The following DNER variants were observed in gnomAD, a reference collection of about 807,000 sequenced individuals.
DNER encodes delta/notch like EGF repeat containing, also known as delta and Notch-like epidermal growth factor-related receptor.
A neutral mutation model predicts 78.2 loss-of-function variants in DNER; 33 were observed. That is an observed-to-expected ratio of 0.42 (90% CI 0.32 to 0.56). DNER has a LOEUF of 0.56. Among genes scored for constraint, DNER ranks in the 20% least tolerant of loss-of-function variants. The pLI, the probability that DNER is intolerant of heterozygous loss-of-function variation, is 0.11. For synonymous variants in DNER, 417 were observed against 384.8 expected (o/e 1.08, Z -0.98); for missense variants, 918 against 975.3 (o/e 0.94, Z 0.78).
At chr2:229,431,804 A>C (rs1396377811) in intron 8 of DNER, among the ~76,000 whole-genome samples, 1 of 152,054 alleles carries the variant, frequency 6.6e-6, no homozygotes, top group Non-Finnish European at 1.5e-5. Flanking sequence ...AAAAAAAAGA[A>C]AAAAAAGATG....
chr2:229,566,544 C>G (rs1301301101), intron 4 of DNER, among the ~76,000 whole-genome samples: 1 of 152,152 alleles, frequency 6.6e-6, no homozygotes, highest in Non-Finnish European at 1.5e-5. Flanking sequence ...TGGGTTATTT[C>G]TAGTTCATAT....
chr2:229,585,041 G>C (rs1296892812), intron 4 of DNER, among the ~76,000 whole-genome samples: 1 of 152,134 alleles, frequency 6.6e-6, no homozygotes, highest in Non-Finnish European at 1.5e-5. Context: ...TTATGGAGGA[G>C]AGGGGCCCCA....
At chr2:229,562,161 A>G (rs1696973189) in intron 4 of DNER, among the ~76,000 whole-genome samples, 1 of 152,210 alleles carries the variant, frequency 6.6e-6, no homozygotes, top group Admixed American at 6.5e-5. Flanking sequence ...CTGTTCCCTA[A>G]ACAATACAGG....
intron 6 of DNER, among the ~76,000 whole-genome samples, chr2:229,511,126 T>C (rs1182090127): frequency 6.6e-6 from 1 of 152,170 alleles, no homozygotes; most frequent in African/African-American, 2.4e-5. Context: ...CTGACTGTCT[T>C]GTTTCTTACA....
Position 229,714,504 on chromosome 2 carries a change from AGCGACGGTGGCGGCTAGGGCTGCTCCGC to A in DNER, c.-109_-82del. The A allele has an allele frequency of 9.4e-7, 1 of 1,069,128 alleles. No individual in the cohort carries two copies. The allele number at this position is 1,069,128 out of a possible 1,614,324, so 66.2% of individuals were successfully genotyped here. ...TGGCAGTGGCGACGAGAGCTGCGAG[AGCGACGGTGGCGGCTAGGGCTGCTCCGC>A]CGGGCCGGGCGCCTCCTGCAGCTGC... is the stretch of plus-strand genomic sequence containing the variant. On this transcript the variant is annotated 5_prime_UTR_variant, in exon 1 of 13. Transcript: ENST00000341772.
At chr2:229,426,213 G>A (rs369394051) in intron 8 of DNER, among the ~76,000 whole-genome samples, 137 of 151,932 alleles carry the variant, frequency 9.0e-4, no homozygotes, top group African/African-American at 3.1e-3. Flanking sequence ...AGGCCGAGGC[G>A]GATGGATCAC....
chr2:229,548,790 A>G (rs980165459), intron 4 of DNER, among the ~76,000 whole-genome samples: 7 of 152,204 alleles, frequency 4.6e-5, no homozygotes, highest in Non-Finnish European at 1.0e-4. Flanking sequence ...TAAAACTTCA[A>G]GTGGAAAATA....
At chr2:229,619,111 C>G (rs554218727) in intron 1 of DNER, among the ~76,000 whole-genome samples, 66 of 152,048 alleles carry the variant, frequency 4.3e-4, no homozygotes, top group African/African-American at 1.5e-3. Context: ...GCATTCCAGC[C>G]TGGGGGACAA....
intron 1 of DNER, among the ~76,000 whole-genome samples, chr2:229,625,096 G>A (rs1698313944): frequency 6.6e-6 from 1 of 151,982 alleles, no homozygotes; most frequent in South Asian, 2.1e-4. Flanking sequence ...TAGGATGATG[G>A]TATTTCTTTA....
chr2:229,622,012 G>A (rs903473556), intron 1 of DNER, among the ~76,000 whole-genome samples: 1 of 152,238 alleles, frequency 6.6e-6, no homozygotes, highest in African/African-American at 2.4e-5. Context: ...TGTGAACCCA[G>A]GAGGCGGAGC....
chr2:229,622,350 G>T (rs1019250076), intron 1 of DNER, among the ~76,000 whole-genome samples: 1 of 151,996 alleles, frequency 6.6e-6, no homozygotes. Context: ...TGACCCCTTT[G>T]ACCCCCAAAG....
intron 11 of DNER, among the ~76,000 whole-genome samples, chr2:229,377,927 T>C (rs1021795900): frequency 4.6e-5 from 7 of 152,156 alleles, no homozygotes; most frequent in African/African-American, 1.4e-4. Context: ...TGTGATTAAA[T>C]TGAGATCTTG....
intron 1 of DNER, among the ~76,000 whole-genome samples, chr2:229,613,041 A>T (rs922126712): frequency 2.0e-5 from 3 of 152,236 alleles, no homozygotes; most frequent in Non-Finnish European, 4.4e-5. Context: ...TCATTAAAAC[A>T]TTCGCATTGT....
At chr2:229,472,155 A>T (rs1283452883) in intron 7 of DNER, among the ~76,000 whole-genome samples, 1 of 152,238 alleles carries the variant, frequency 6.6e-6, no homozygotes, top group Non-Finnish European at 1.5e-5. Flanking sequence ...TGTATTCCAT[A>T]ATCTTATCCC....
chr2:229,708,684 A>G (rs1361655586), intron 1 of DNER, among the ~76,000 whole-genome samples: 1 of 152,228 alleles, frequency 6.6e-6, no homozygotes, highest in Non-Finnish European at 1.5e-5. Flanking sequence ...ATCAAATGAG[A>G]GCATAAACAA....
At position 229,610,201 on chromosome 2, in the gene DNER, G is replaced by A. The variant is rs926380877; in HGVS notation, c.277-18313C>T. ...ACAAGTTCTGAAAATAAACAGGAAG[G>A]ATGAGTGTCCTTTATCAATGAAGAG... On this transcript the variant is annotated intron_variant, in intron 1 of 12. Transcript: ENST00000341772. Among the ~76,000 whole-genome samples the A allele has an allele frequency of 3.9e-5, 6 of 152,310 alleles. No individual in the cohort carries two copies. In the East Asian group the frequency reaches 9.6e-4, roughly 24 times the overall value.
At chr2:229,424,550 G>A (rs867094960) in intron 8 of DNER, among the ~76,000 whole-genome samples, 43 of 152,220 alleles carry the variant, frequency 2.8e-4, no homozygotes, top group Middle Eastern at 3.4e-3. Context: ...TCTCCCCTTG[G>A]CTTGCAGACG....
chr2:229,630,065 T>C (rs534093940), intron 1 of DNER, among the ~76,000 whole-genome samples: 2 of 152,356 alleles, frequency 1.3e-5, no homozygotes, highest in East Asian at 3.9e-4. Context: ...AGTTTATCTA[T>C]CTTCTATTTT....
intron 7 of DNER, among the ~76,000 whole-genome samples, chr2:229,451,094 A>G (rs927882505): frequency 6.6e-6 from 1 of 152,222 alleles, no homozygotes; most frequent in Non-Finnish European, 1.5e-5. Context: ...TCTGAAAAAA[A>G]TACATATCAA....
Sources: gnomAD v4.1 joint callset for allele counts (sites outside exome capture counted in the v4.1 genomes callset) on GRCh38, gnomAD v4.1.1 for gene constraint, MANE v1.5 for transcripts, NCBI Gene and HGNC (gene_info 2026-07-23, HGNC 2026-07-21) for gene names.